The following TMA16 variants were observed in gnomAD, a reference collection of about 807,000 sequenced individuals.
TMA16 encodes the protein translation machinery associated 16 homolog, also known as translation machinery-associated protein 16.
A neutral mutation model predicts 27.1 loss-of-function variants in TMA16; 26 were observed. The ratio of observed to expected loss-of-function variants is 0.96; its 90% CI spans 0.70 to 1.33. The LOEUF is 1.33. Among genes scored for constraint, TMA16 ranks in the 40% most tolerant of loss-of-function variants. TMA16 has a pLI of 0.00. For missense variants in TMA16, 233 were observed against 241.4 expected (o/e 0.97, Z 0.23); for synonymous variants, 71 against 81.9 (o/e 0.87, Z 0.72).
At chr4:163,506,220 G>A (rs1174210642) in intron 1 of TMA16, among the ~76,000 whole-genome samples, 6 of 152,186 alleles carry the variant, frequency 3.9e-5, no homozygotes, top group African/African-American at 1.4e-4. Context: ...GGTATAGCCT[G>A]AGGCTAGTAG....
chr4:163,512,115 G>A (rs895605639), intron 2 of TMA16, among the ~76,000 whole-genome samples: 1 of 151,642 alleles, frequency 6.6e-6, no homozygotes, highest in African/African-American at 2.4e-5. Context: ...CATATGGTAG[G>A]TGCTTTTTAA....
chr4:163,519,559 T>G lies in TMA16; in HGVS notation c.*45T>G. 1 of 1,476,654 alleles carries G rather than the reference T, an allele frequency of 6.8e-7. No individual in the cohort carries two copies. Among genetic ancestry groups the G allele is most frequent in the Non-Finnish European group, 9.0e-7 (1 of 1,114,710 alleles). The allele number at this position is 1,476,654 out of a possible 1,614,324, so 91.5% of individuals were successfully genotyped here. A position where few individuals can be genotyped will look rare whatever the true frequency, so the allele number is the denominator to read the frequency against. On this transcript the variant is annotated 3_prime_UTR_variant, in exon 7 of 7. Coordinates refer to ENST00000358572, the MANE Select transcript of TMA16 (RefSeq NM_018352.3). ...AAATAAATAATTTGAGAGCTTCAAA[T>G]TATATTCATTGATTATGGTACCTAA...
At chr4:163,513,709 TATC>T (rs1454159281) in intron 3 of TMA16, among the ~76,000 whole-genome samples, 4 of 152,218 alleles carry the variant, frequency 2.6e-5, no homozygotes, top group East Asian at 1.9e-4. Flanking sequence ...ACTCAGCAAA[TATC>T]ATTCTCATCA....
At chr4:163,497,835 G>T (rs1737580720) in intron 1 of TMA16, among the ~76,000 whole-genome samples, 1 of 152,176 alleles carries the variant, frequency 6.6e-6, no homozygotes. Flanking sequence ...GGTCGGAGGA[G>T]GGCAGAGCAT....
rs769064686 is a variant in TMA16 at position 163,494,698 on chromosome 4, C to T, written c.-104C>T. 4 of 1,526,466 alleles carry T rather than the reference C, an allele frequency of 2.6e-6. No individual in the cohort carries two copies. The highest frequency in any genetic ancestry group is 3.6e-6 in the Non-Finnish European group (4 of 1,104,262). 94.6% of individuals were successfully genotyped at this position (1,526,466 alleles called of 1,614,324 possible). On this transcript the variant is annotated 5_prime_UTR_variant, in exon 1 of 7. The change creates a new upstream start codon in the 5' untranslated region. Coordinates refer to ENST00000358572, the MANE Select transcript of TMA16 (RefSeq NM_018352.3). ...GTCGGCGCGGGCTTCTCAGGCGCCACGTGGGATTCGGCCCGGGTGCTCTTG... is the reference window on the plus strand; with the variant it reads ...GTCGGCGCGGGCTTCTCAGGCGCCATGTGGGATTCGGCCCGGGTGCTCTTG...
intron 1 of TMA16, among the ~76,000 whole-genome samples, chr4:163,504,016 C>A (rs993747528): frequency 6.6e-6 from 1 of 152,066 alleles, no homozygotes; most frequent in African/African-American, 2.4e-5. Flanking sequence ...TAGCCAAGAT[C>A]GTATAAAGCT....
At chr4:163,514,425 G>T (rs924816720) in intron 4 of TMA16, among the ~76,000 whole-genome samples, 3 of 152,136 alleles carry the variant, frequency 2.0e-5, no homozygotes, top group Non-Finnish European at 4.4e-5. Context: ...TTAGCAGATC[G>T]AGGCAAGGTA....
intron 1 of TMA16, among the ~76,000 whole-genome samples, chr4:163,505,385 A>G (rs987468558): frequency 1.3e-5 from 2 of 152,202 alleles, no homozygotes. Flanking sequence ...ATGTGGATAT[A>G]TCTTCTCAGG....
intron 2 of TMA16, among the ~76,000 whole-genome samples, chr4:163,510,353 G>A (rs1737775990): frequency 6.6e-6 from 1 of 152,144 alleles, no homozygotes. Flanking sequence ...CATCTTCCTA[G>A]AAAATTCCCT....
At position 163,520,201 on chromosome 4, in the gene TMA16, T is replaced by C. The variant is rs995616244; in HGVS notation, c.*687T>C. 3.4e-6 allele frequency: 1 copy of C among 297,304 alleles called. No individual in the cohort carries two copies. Among genetic ancestry groups the C allele is most frequent in the African/African-American group, 2.2e-5 (1 of 45,680 alleles). The allele number at this position is 297,304 out of a possible 1,614,324, so 18.4% of individuals were successfully genotyped here. Reference sequence around the variant, plus strand: ...TTTGCTTTTTTATTGTGAAAAGAGGTAGGTTTTATTTGTGGAGAGAGAGTT... The same window carrying C: ...TTTGCTTTTTTATTGTGAAAAGAGGCAGGTTTTATTTGTGGAGAGAGAGTT... On this transcript the variant is annotated 3_prime_UTR_variant, in exon 7 of 7. Coordinates refer to ENST00000358572, the MANE Select transcript of TMA16 (RefSeq NM_018352.3).
In TMA16 at chr4:163,494,819, G is replaced by A; in HGVS notation, c.3+15G>A. 2 of 1,611,550 alleles carry A rather than the reference G, an allele frequency of 1.2e-6. No homozygotes were observed. Among genetic ancestry groups the A allele is most frequent in the Non-Finnish European group, 1.7e-6 (2 of 1,180,030 alleles). On this transcript the variant is annotated intron_variant, in intron 1 of 6. Coordinates refer to ENST00000358572, the MANE Select transcript of TMA16 (RefSeq NM_018352.3). Reference sequence around the variant, plus strand: ...ACGTCACCATGGTGGGCCCCCTCCTGCTCCCCCGAACCGCTCGGTTGGTTC... The same window carrying A: ...ACGTCACCATGGTGGGCCCCCTCCTACTCCCCCGAACCGCTCGGTTGGTTC...
chr4:163,503,228 A>G (rs1030226098), intron 1 of TMA16, among the ~76,000 whole-genome samples: 3 of 152,182 alleles, frequency 2.0e-5, no homozygotes, highest in African/African-American at 7.2e-5. Flanking sequence ...TAAGTGAGGC[A>G]TGCCTGTATT....
In TMA16 at chr4:163,519,321, T is replaced by C. The variant is rs878878452; in HGVS notation, c.432-13T>C. The C allele has an allele frequency of 1.0e-5, 16 of 1,539,274 alleles. No homozygotes were observed. Among genetic ancestry groups the C allele is most frequent in the Non-Finnish European group, 1.4e-5 (16 of 1,149,974 alleles). ...AACACTCTGCACTCTTTTTTTTTTTTCCTTTTGTCTAGGGAATGGGACTTT... is the reference window on the plus strand; with the variant it reads ...AACACTCTGCACTCTTTTTTTTTTTCCCTTTTGTCTAGGGAATGGGACTTT... On this transcript the variant is annotated splice_polypyrimidine_tract_variant and intron_variant, in intron 6 of 6. Coordinates refer to ENST00000358572, the MANE Select transcript of TMA16 (RefSeq NM_018352.3).
chr4:163,506,987 A>G, intron 1 of TMA16, 46 bp from the exon 2 acceptor site: 3 of 1,430,788 alleles, frequency 2.1e-6, no homozygotes, highest in Non-Finnish European at 2.8e-6. Flanking sequence ...GACTGAAGGC[A>G]CTTACATATC....
chr4:163,503,437 T>G (rs7687639), intron 1 of TMA16, among the ~76,000 whole-genome samples: 61,998 of 151,992 alleles, frequency 0.41, 13,844 homozygotes, highest in Admixed American at 0.55. Context: ...TGTCTCTAGT[T>G]GAGCCTAGAC....
intron 1 of TMA16, among the ~76,000 whole-genome samples, chr4:163,496,716 G>C (rs2110784667): frequency 6.6e-6 from 1 of 152,112 alleles, no homozygotes; most frequent in Admixed American, 6.5e-5. Flanking sequence ...TCCTGCCTCA[G>C]CCTCCCGAGT....
chr4:163,495,522 T>A (rs1158421669), intron 1 of TMA16, among the ~76,000 whole-genome samples: 4 of 152,250 alleles, frequency 2.6e-5, no homozygotes, highest in Non-Finnish European at 5.9e-5. Context: ...TCTTTATAGT[T>A]ACTACATATA....
chr4:163,496,886 A>G (rs1188521873), intron 1 of TMA16, among the ~76,000 whole-genome samples: 1 of 152,116 alleles, frequency 6.6e-6, no homozygotes, highest in Non-Finnish European at 1.5e-5. Flanking sequence ...TCCTGACCTC[A>G]AATGATCCAC....
chr4:163,508,456 T>C (rs1419407820), intron 2 of TMA16, among the ~76,000 whole-genome samples: 3 of 152,156 alleles, frequency 2.0e-5, no homozygotes, highest in Admixed American at 2.0e-4. Flanking sequence ...AAAGGAGATA[T>C]TTTTTCTCTC....
Sources: allele counts gnomAD v4.1 joint callset (sites outside exome capture counted in the v4.1 genomes callset), GRCh38; gene constraint gnomAD v4.1.1; transcripts MANE v1.5; gene names NCBI Gene and HGNC (gene_info 2026-07-23, HGNC 2026-07-21).